The following ENTPD1 variants were observed in gnomAD, a reference collection of about 807,000 sequenced individuals.
The protein encoded by ENTPD1 is ATP diphosphohydrolase.
Under a neutral mutation model 57.0 loss-of-function variants are expected in ENTPD1, and 33 were observed. The ratio of observed to expected loss-of-function variants is 0.58; its 90% CI spans 0.44 to 0.77. The LOEUF (loss-of-function observed/expected upper bound fraction) is 0.77, where lower values mean the gene tolerates loss of function less well. ENTPD1 is among the 30% of genes least tolerant of loss of function. The probability of loss-of-function intolerance (pLI) is 0.00; values close to 1 mark genes in which losing one functional copy is unlikely to be tolerated. For synonymous variants in ENTPD1, 202 were observed against 218.8 expected (o/e 0.92, Z 0.68); for missense variants, 501 against 603.4 (o/e 0.83, Z 1.78).
intron 1 of ENTPD1, among the ~76,000 whole-genome samples, chr10:95,800,134 A>G (rs1278167216): frequency 6.6e-6 from 1 of 152,182 alleles, no homozygotes; most frequent in Non-Finnish European, 1.5e-5. Context: ...CCAGCCCCCA[A>G]TATTTCAACA....
intron 1 of ENTPD1, among the ~76,000 whole-genome samples, chr10:95,741,939 T>C (rs1337865581): frequency 6.6e-6 from 1 of 152,220 alleles, no homozygotes; most frequent in Non-Finnish European, 1.5e-5. Flanking sequence ...AGGCCTGATT[T>C]TGGCATTACC....
intron 1 of ENTPD1, among the ~76,000 whole-genome samples, chr10:95,793,913 A>G (rs2098216099): frequency 6.6e-6 from 1 of 152,184 alleles, no homozygotes; most frequent in Admixed American, 6.5e-5. Flanking sequence ...TTGTGAAATC[A>G]AATAGGATCA....
intron 1 of ENTPD1, among the ~76,000 whole-genome samples, chr10:95,739,805 G>A (rs1378748564): frequency 6.6e-6 from 1 of 152,130 alleles, no homozygotes; most frequent in African/African-American, 2.4e-5. Flanking sequence ...ATCCAACAGA[G>A]GAACTATCTA....
chr10:95,776,485 G>A (rs892687560), intron 1 of ENTPD1, among the ~76,000 whole-genome samples: 7 of 152,224 alleles, frequency 4.6e-5, no homozygotes, highest in Non-Finnish European at 1.0e-4. Context: ...CTTCTGGCTT[G>A]TAGAGTTTCT....
intron 1 of ENTPD1, among the ~76,000 whole-genome samples, chr10:95,817,842 TGAG>T (rs1185017858): frequency 6.6e-6 from 1 of 152,216 alleles, no homozygotes; most frequent in Non-Finnish European, 1.5e-5. Flanking sequence ...ATAAGCACCA[TGAG>T]GATAGGGACA....
At chr10:95,732,115 G>A (rs993433002) in intron 1 of ENTPD1, among the ~76,000 whole-genome samples, 1 of 151,984 alleles carries the variant, frequency 6.6e-6, no homozygotes, top group Non-Finnish European at 1.5e-5. Flanking sequence ...TGCAACAGAG[G>A]CATGCTTCGA....
At chr10:95,814,932 C>T (rs4075310) in intron 1 of ENTPD1, among the ~76,000 whole-genome samples, 81,929 of 151,928 alleles carry the variant, frequency 0.54, 22,515 homozygotes, top group Admixed American at 0.63. Context: ...ATGTCCATCT[C>T]ATTTTTCCTC....
intron 1 of ENTPD1, among the ~76,000 whole-genome samples, chr10:95,806,063 C>G (rs959249829): frequency 1.3e-5 from 2 of 152,246 alleles, no homozygotes; most frequent in Admixed American, 6.5e-5. Flanking sequence ...GGAAGTTCTC[C>G]TGGATAATAT....
At chr10:95,780,589 A>G (rs992931563) in intron 1 of ENTPD1, among the ~76,000 whole-genome samples, 5 of 152,222 alleles carry the variant, frequency 3.3e-5, no homozygotes, top group Non-Finnish European at 7.3e-5. Context: ...TAGAATATCT[A>G]TGGACATGAA....
chr10:95,710,810 A>G (rs2097964951), upstream of ENTPD1, among the ~76,000 whole-genome samples: 2 of 152,112 alleles, frequency 1.3e-5, no homozygotes, highest in Non-Finnish European at 2.9e-5. Flanking sequence ...TTTTGACTCT[A>G]TGGCAGAAAC....
intron 1 of ENTPD1, among the ~76,000 whole-genome samples, chr10:95,778,118 C>T (rs937178486): frequency 3.3e-5 from 5 of 152,178 alleles, no homozygotes; most frequent in East Asian, 3.8e-4. Flanking sequence ...GGTGATGTCC[C>T]GCCCTGCTTC....
intron 8 of ENTPD1, 86 bp downstream of exon 8, chr10:95,860,668 C>G: frequency 8.3e-7 from 1 of 1,211,776 alleles, no homozygotes; most frequent in Non-Finnish European, 1.2e-6. Context: ...TCTGAAACTC[C>G]TGCTGGTTTG....
rs147932314 is a variant in ENTPD1, at chr10:95,845,382, C to T, written c.599C>T (p.Pro200Leu). The stretch of plus-strand genomic sequence containing the variant: ...AAAACAAGGTGGTTCAGCATAGTCC[C>T]ATATGAAACCAATAATCAGGAAACC... ...SQKTRWFSIV[P>L]YETNNQETFG... The change falls in exon 6 of 10, where the codon CCA (proline) becomes CTA (leucine). Residue 200 changes from proline (P) to leucine (L), a missense_variant. Physicochemically the swap from Pro to Leu is moderately conservative, Grantham distance 98. Coordinates refer to ENST00000371205, the MANE Select transcript of ENTPD1 (RefSeq NM_001776.6). The T allele has an allele frequency of 2.5e-6, 4 of 1,614,070 alleles. No homozygotes were observed. Among genetic ancestry groups the T allele is most frequent in the Non-Finnish European group, 3.4e-6 (4 of 1,180,042 alleles).
chr10:95,717,091 A>G (rs891002456), intron 1 of ENTPD1, among the ~76,000 whole-genome samples: 5 of 152,200 alleles, frequency 3.3e-5, no homozygotes, highest in Admixed American at 2.6e-4. Flanking sequence ...TTAGGCAAAT[A>G]TGTTGATGTG....
At chr10:95,853,920 T>C (rs1198214938) in intron 7 of ENTPD1, among the ~76,000 whole-genome samples, 4 of 152,216 alleles carry the variant, frequency 2.6e-5, no homozygotes, top group Admixed American at 2.6e-4. Flanking sequence ...CTGCCAAGCT[T>C]TGGTATCAGG....
intron 4 of ENTPD1, 60 bp from the exon 5 acceptor site, chr10:95,844,416 T>C (rs2098429683): frequency 6.2e-7 from 1 of 1,608,212 alleles, no homozygotes; most frequent in African/African-American, 1.3e-5. Flanking sequence ...GTAGCTGAAA[T>C]GGGTAATGTA....
Position 95,800,561 on chromosome 10 carries a change from G to A in ENTPD1, c.17-22676G>A, listed in dbSNP as rs189255000. ...TGAGGGTACTGCAGGAGACCAGGGC[G>A]TATTTCAGTCCTTATCTCAACTGCA... On this transcript the variant is annotated intron_variant, in intron 1 of 9. Coordinates refer to ENST00000371205, the MANE Select transcript of ENTPD1 (RefSeq NM_001776.6). Among the ~76,000 whole-genome samples, 329 of 152,182 alleles carry A rather than the reference G, an allele frequency of 2.2e-3. 3 individuals carry two copies. The highest frequency in any genetic ancestry group is 5.7e-3 in the African/African-American group (238 of 41,524).
At chr10:95,843,770 G>A (rs2901874) in intron 4 of ENTPD1, among the ~76,000 whole-genome samples, 23,462 of 152,106 alleles carry the variant, frequency 0.15, 2,300 homozygotes, top group African/African-American at 0.26. Flanking sequence ...AGGTGTGGAC[G>A]CCATTTAGAT....
rs189211972 is a variant in ENTPD1, at chr10:95,867,008, T to C, written c.*625T>C. The stretch of plus-strand genomic sequence containing the variant: ...ATCCCACCCAAAGCAGGTATGTCAA[T>C]AAATCACATATTCCTAGGTGATACC... On this transcript the variant is annotated 3_prime_UTR_variant, in exon 10 of 10. Coordinates refer to ENST00000371205, the MANE Select transcript of ENTPD1 (RefSeq NM_001776.6). The C allele has an allele frequency of 2.9e-4, 287 of 992,920 alleles. No individual in the cohort carries two copies. The highest frequency in any genetic ancestry group is 3.3e-4 in the Non-Finnish European group (277 of 834,052). The allele number at this position is 992,920 out of a possible 1,614,324, so 61.5% of individuals were successfully genotyped here. A position where few individuals can be genotyped will look rare whatever the true frequency, so the allele number is the denominator to read the frequency against.
Sources: gnomAD v4.1 joint callset for allele counts (sites outside exome capture counted in the v4.1 genomes callset) on GRCh38, gnomAD v4.1.1 for gene constraint, MANE v1.5 for transcripts, NCBI Gene and HGNC (gene_info 2026-07-23, HGNC 2026-07-21) for gene names.